Variants in IPO11 observed in about 807,000 individuals in gnomAD.
IPO11 encodes importin-11.
In IPO11, 66 loss-of-function variants were observed where a neutral mutation model predicts 143.2. The ratio of observed to expected loss-of-function variants is 0.46; its 90% CI spans 0.38 to 0.57. IPO11 has a LOEUF of 0.57. IPO11 is among the 20% of genes least tolerant of loss of function. IPO11 has a pLI of 0.00. For synonymous variants in IPO11, 385 were observed against 377.8 expected, an observed-to-expected ratio of 1.02 and a Z score of -0.22; for missense variants, 1,026 against 1,141.0, an observed-to-expected ratio of 0.90 and a Z score of 1.45.
chr5:62,598,373 T>G (rs1288423456), intron 28 of IPO11, among the ~76,000 whole-genome samples: 2 of 15,832 alleles, frequency 1.3e-4, no homozygotes, highest in Admixed American at 1.1e-3. Context: ...GACCCATAAA[T>G]TGTTTGCTTG....
intron 29 of IPO11, among the ~76,000 whole-genome samples, chr5:62,608,822 G>C (rs753398385): frequency 2.0e-4 from 30 of 152,140 alleles, no homozygotes; most frequent in Non-Finnish European, 4.0e-4. Flanking sequence ...TACATTCTAT[G>C]GGTCTTAATA....
chr5:62,452,723 GGTGTGTGTGTGTGT>G (rs57057274), intron 5 of IPO11, among the ~76,000 whole-genome samples: 15 of 135,334 alleles, frequency 1.1e-4, no homozygotes, highest in South Asian at 2.4e-4. Flanking sequence ...TTTTTGGTGG[GGTGTGTGTGTGTGT>G]GTGTGTGTGT....
intron 24 of IPO11, among the ~76,000 whole-genome samples, chr5:62,546,072 A>G (rs1242166160): frequency 6.6e-6 from 1 of 152,160 alleles, no homozygotes. Context: ...TAGAAATACC[A>G]TTTGGCCCAG....
At chr5:62,521,034 A>G (rs570266428) in intron 20 of IPO11, among the ~76,000 whole-genome samples, 2 of 152,306 alleles carry the variant, frequency 1.3e-5, no homozygotes, top group East Asian at 3.9e-4. Flanking sequence ...TGACTTTTTA[A>G]TGATCTCCAT....
intron 27 of IPO11, among the ~76,000 whole-genome samples, chr5:62,581,801 G>A (rs32053): frequency 0.09 from 13,708 of 152,166 alleles, 669 homozygotes; most frequent in East Asian, 0.14. Flanking sequence ...GGAGATATAT[G>A]GTTACTGCAC....
chr5:62,426,866 T>C (rs1743761108), intron 1 of IPO11, among the ~76,000 whole-genome samples: 1 of 149,498 alleles, frequency 6.7e-6, no homozygotes, highest in South Asian at 2.1e-4. Flanking sequence ...GAGAATATTT[T>C]TAAGTTATGA....
At chr5:62,515,527 T>C in intron 20 of IPO11, 26 bp downstream of exon 20, 1 of 1,468,024 alleles carries the variant, frequency 6.8e-7, no homozygotes, top group South Asian at 1.3e-5. Context: ...ACAGAGTTTT[T>C]TTAGTTTAGT....
chr5:62,453,172 C>T (rs1224860931), intron 5 of IPO11, among the ~76,000 whole-genome samples: 2 of 150,844 alleles, frequency 1.3e-5, no homozygotes, highest in Non-Finnish European at 2.9e-5. Flanking sequence ...CTTTCTTTTT[C>T]TTCTCTAAAT....
At chr5:62,574,749 A>G (rs1362089116) in intron 27 of IPO11, among the ~76,000 whole-genome samples, 2 of 152,216 alleles carry the variant, frequency 1.3e-5, no homozygotes, top group African/African-American at 4.8e-5. Context: ...GAAATAAAAT[A>G]TGCTTCTCAG....
intron 27 of IPO11, chr5:62,580,896 A>G: frequency 1.3e-6 from 2 of 1,551,396 alleles, no homozygotes; most frequent in Non-Finnish European, 1.7e-6. Flanking sequence ...CTGTGCAAAT[A>G]CAACTTACTA....
In IPO11 at chr5:62,561,159, G is replaced by A. The variant is rs146240342; in HGVS notation, c.2484G>A (p.Met828Ile). ...AGATGGACCAGCTTTTGGGAAATATGATTGAAATGTGGGTTGATCGAATGG... is the reference window on the plus strand; with the variant it reads ...AGATGGACCAGCTTTTGGGAAATATAATTGAAATGTGGGTTGATCGAATGG... The part of the protein sequence containing the change: ...NQEMDQLLGN[M>I]IEMWVDRMDN... The change falls in exon 27 of 30, where the codon ATG becomes ATA. Residue 828 changes from methionine (M) to isoleucine (I), a missense_variant. Physicochemically the swap from Met to Ile is conservative, Grantham distance 10. Around this residue, in one of 5 missense-constraint regions of IPO11, gnomAD observed 351 missense variants for 358.9 expected, o/e 0.98. Coordinates refer to ENST00000325324, the MANE Select transcript of IPO11 (RefSeq NM_016338.5). The A allele has an allele frequency of 1.7e-5, 27 of 1,606,620 alleles. No individual in the cohort carries two copies. In the African/African-American group the frequency reaches 3.6e-4, roughly 22 times the overall value.
At chr5:62,604,016 A>G (rs1745607463) in intron 29 of IPO11, among the ~76,000 whole-genome samples, 2 of 152,332 alleles carry the variant, frequency 1.3e-5, no homozygotes, top group South Asian at 4.1e-4. Flanking sequence ...CCTAGGAGCA[A>G]TAGGTTATAC....
intron 15 of IPO11, 55 bp from the exon 16 acceptor site, chr5:62,493,943 A>G: frequency 6.8e-7 from 1 of 1,461,876 alleles, no homozygotes; most frequent in South Asian, 1.3e-5. Flanking sequence ...ATACTAAAAG[A>G]AATAGACCTC....
chr5:62,587,202 A>G (rs1471049546), intron 27 of IPO11, among the ~76,000 whole-genome samples: 1 of 152,104 alleles, frequency 6.6e-6, no homozygotes, highest in East Asian at 1.9e-4. Context: ...TGTGCACTCA[A>G]AAAATGAAAA....
chr5:62,626,794 C>T (rs911022604), intron 29 of IPO11, among the ~76,000 whole-genome samples: 1 of 152,050 alleles, frequency 6.6e-6, no homozygotes, highest in African/African-American at 2.4e-5. Context: ...CTACCCTACC[C>T]TATCTTCCTA....
chr5:62,602,212 A>C (rs1011416874), intron 29 of IPO11, among the ~76,000 whole-genome samples: 28 of 152,274 alleles, frequency 1.8e-4, no homozygotes, highest in African/African-American at 6.3e-4. Context: ...AGATCTTCAC[A>C]TGAACTTTTG....
intron 2 of IPO11, among the ~76,000 whole-genome samples, chr5:62,441,336 T>C (rs1367426398): frequency 6.6e-6 from 1 of 151,198 alleles, no homozygotes; most frequent in Non-Finnish European, 1.5e-5. Context: ...GTAGCTGGGA[T>C]TACAGGCATG....
At chr5:62,437,713 T>A (rs1205798329) in intron 2 of IPO11, among the ~76,000 whole-genome samples, 1 of 152,208 alleles carries the variant, frequency 6.6e-6, no homozygotes. Context: ...GTAGCACTCT[T>A]TCATATTTTG....
intron 27 of IPO11, among the ~76,000 whole-genome samples, chr5:62,567,558 C>CTTTTTTTTTTTTT (rs34740276): frequency 1.4e-5 from 1 of 70,176 alleles, no homozygotes; most frequent in Non-Finnish European, 2.4e-5. Context: ...CTTACATTTC[C>CTTTTTTTTTTTTT]TTTTTTTTTT....
Sources: gnomAD v4.1 joint callset for allele counts (sites outside exome capture counted in the v4.1 genomes callset) on GRCh38, gnomAD v4.1.1 for gene constraint, gnomAD v4.1.1 regional missense constraint, MANE v1.5 for transcripts, NCBI Gene and HGNC (gene_info 2026-07-23, HGNC 2026-07-21) for gene names.